The following VAV3 variants were observed in gnomAD, a reference collection of about 807,000 sequenced individuals.
VAV3 encodes guanine nucleotide exchange factor VAV3.
VAV3 carries 94 observed loss-of-function variants against 131.2 expected under a neutral mutation model. That is an observed-to-expected ratio of 0.72 (90% CI 0.61 to 0.85). The LOEUF (loss-of-function observed/expected upper bound fraction) is 0.85, where lower values mean the gene tolerates loss of function less well. VAV3 is among the 40% of genes least tolerant of loss of function. VAV3 has a pLI of 0.00. For missense variants in VAV3, 939 were observed against 1,002.7 expected (o/e 0.94, Z 0.86); for synonymous variants, 349 against 342.0 (o/e 1.02, Z -0.22).
intron 2 of VAV3, among the ~76,000 whole-genome samples, chr1:107,820,228 A>G (rs1667739441): frequency 6.6e-6 from 1 of 152,178 alleles, no homozygotes; most frequent in South Asian, 2.1e-4. Flanking sequence ...CAGCAGATGA[A>G]TGAATAAAGA....
At chr1:107,850,055 A>T (rs1365146793) in intron 2 of VAV3, among the ~76,000 whole-genome samples, 1 of 152,166 alleles carries the variant, frequency 6.6e-6, no homozygotes, top group Non-Finnish European at 1.5e-5. Context: ...GCAATCATTA[A>T]AAAGTCAGGA....
At chr1:107,723,607 A>G (rs1031782997) in intron 15 of VAV3, among the ~76,000 whole-genome samples, 1 of 129,592 alleles carries the variant, frequency 7.7e-6, no homozygotes, top group East Asian at 2.8e-4. Flanking sequence ...GCACAAAACA[A>G]CTTCATGGAT....
chr1:107,588,437 T>C (rs937341588), intron 25 of VAV3, among the ~76,000 whole-genome samples: 32 of 152,352 alleles, frequency 2.1e-4, no homozygotes, highest in African/African-American at 7.7e-4. Flanking sequence ...GAGGCTAATG[T>C]AACACTTCAC....
intron 25 of VAV3, among the ~76,000 whole-genome samples, chr1:107,593,995 TC>T (rs1479804857): frequency 2.6e-5 from 4 of 152,074 alleles, no homozygotes; most frequent in Non-Finnish European, 5.9e-5. Context: ...CTCAGAACCA[TC>T]TTAGTCTTCC....
At chr1:107,731,695 G>A (rs937081662) in intron 15 of VAV3, among the ~76,000 whole-genome samples, 6 of 152,200 alleles carry the variant, frequency 3.9e-5, no homozygotes, top group Middle Eastern at 3.4e-3. Flanking sequence ...AATTTCAGAG[G>A]CAGTCCGTCC....
chr1:107,734,149 C>G (rs1476528425), intron 15 of VAV3, among the ~76,000 whole-genome samples: 1 of 152,158 alleles, frequency 6.6e-6, no homozygotes. Flanking sequence ...CCTTTACAAA[C>G]AAGCAAATGC....
At chr1:107,757,861 TC>T in intron 10 of VAV3, among the ~76,000 whole-genome samples, 1 of 152,256 alleles carries the variant, frequency 6.6e-6, no homozygotes, top group African/African-American at 2.4e-5. Context: ...TCCTCTTTTT[TC>T]CCCTGATTTT....
chr1:107,702,376 T>C (rs996765822), intron 17 of VAV3, among the ~76,000 whole-genome samples: 9 of 152,172 alleles, frequency 5.9e-5, no homozygotes, highest in African/African-American at 1.9e-4. Flanking sequence ...AGGATGAGAT[T>C]TGGGTGGGCA....
At chr1:107,903,174 A>C (rs528133067) in intron 1 of VAV3, among the ~76,000 whole-genome samples, 31 of 152,290 alleles carry the variant, frequency 2.0e-4, no homozygotes, top group African/African-American at 7.2e-4. Flanking sequence ...AATTTTTTAA[A>C]AAAATCTGAG....
intron 2 of VAV3, among the ~76,000 whole-genome samples, chr1:107,815,836 AG>A (rs1667538441): frequency 6.6e-6 from 1 of 152,166 alleles, no homozygotes; most frequent in South Asian, 2.1e-4. Context: ...TTTTGGTACC[AG>A]GGACCAGTTT....
At chr1:107,677,414 T>C (rs1364286366) in intron 19 of VAV3, among the ~76,000 whole-genome samples, 1 of 152,178 alleles carries the variant, frequency 6.6e-6, no homozygotes, top group African/African-American at 2.4e-5. Flanking sequence ...TGCTGGCCCA[T>C]AAGAAATTAC....
In VAV3 at chr1:107,642,695, T is replaced by A. The variant is rs998737191; in HGVS notation, c.1838A>T (p.Glu613Val). The A allele has an allele frequency of 6.2e-7, 1 of 1,613,278 alleles. No individual in the cohort carries two copies. The highest frequency in any genetic ancestry group is 1.3e-5 in the African/African-American group (1 of 74,840). The part of the protein sequence containing the change: ...YSGTPPPALH[E>V]GPPLQLQAGD... ...GGCCTGGAGCTGTAAAGGGGGTCCT[T>A]CATGCAGAGCTGGGGGTGGTGTTCC... The change falls in exon 20 of 27, where the codon GAA (glutamate) becomes GTA (valine). Residue 613 changes from glutamate (E) to valine (V), a missense_variant. Glu to Val is a moderately radical substitution (Grantham distance 121). Transcript: ENST00000370056.
chr1:107,601,507 T>C (rs994681072), intron 24 of VAV3, among the ~76,000 whole-genome samples: 1 of 152,184 alleles, frequency 6.6e-6, no homozygotes, highest in African/African-American at 2.4e-5. Flanking sequence ...AAGGATGCAG[T>C]ATGTATCATT....
intron 1 of VAV3, among the ~76,000 whole-genome samples, chr1:107,918,705 A>AT (rs66707621): frequency 0.015 from 1,158 of 76,978 alleles, 9 homozygotes; most frequent in Non-Finnish European, 0.021. Context: ...ATATATATAT[A>AT]TTTTTTTTTT....
rs55899408 is a variant in VAV3, at chr1:107,779,510, T to C, written c.322-18A>G. The C allele has an allele frequency of 4.9e-4, 765 of 1,565,738 alleles. No homozygotes were observed. Among genetic ancestry groups the C allele is most frequent in the Non-Finnish European group, 6.2e-4 (721 of 1,155,396 alleles). On this transcript the variant is annotated intron_variant, in intron 2 of 26. Coordinates refer to ENST00000370056, the MANE Select transcript of VAV3 (RefSeq NM_006113.5). ...TCTATAACCTGAGAAAAGAGGAAAATACTAATTAGATATGTAGTTCAGAAA... is the reference window on the plus strand; with the variant it reads ...TCTATAACCTGAGAAAAGAGGAAAACACTAATTAGATATGTAGTTCAGAAA...
At chr1:107,656,916 C>T (rs1037168291) in intron 19 of VAV3, among the ~76,000 whole-genome samples, 1 of 146,100 alleles carries the variant, frequency 6.8e-6, no homozygotes, top group Non-Finnish European at 1.5e-5. Context: ...CACATTTACA[C>T]ATTTCCCATT....
At chr1:107,691,956 T>C (rs1472998004) in intron 17 of VAV3, among the ~76,000 whole-genome samples, 1 of 152,180 alleles carries the variant, frequency 6.6e-6, no homozygotes, top group African/African-American at 2.4e-5. Context: ...TTCTGTCCTA[T>C]TTTGTTTTTC....
chr1:107,897,184 G>A (rs552136354), intron 1 of VAV3: 4 of 151,814 alleles, frequency 2.6e-5, no homozygotes, highest in Non-Finnish European at 5.9e-5. Context: ...CTGTTGCCTA[G>A]AGACACAGCA....
chr1:107,770,208 A>G (rs899467472), intron 6 of VAV3, among the ~76,000 whole-genome samples: 1 of 152,092 alleles, frequency 6.6e-6, no homozygotes, highest in Non-Finnish European at 1.5e-5. Context: ...TTATACCCTC[A>G]GTTCACTTAG....
Sources: gnomAD v4.1 joint callset for allele counts (sites outside exome capture counted in the v4.1 genomes callset) on GRCh38, gnomAD v4.1.1 for gene constraint, MANE v1.5 for transcripts, NCBI Gene and HGNC (gene_info 2026-07-23, HGNC 2026-07-21) for gene names.